Variants in TSPAN18 observed in about 807,000 individuals in gnomAD.
TSPAN18 encodes tetraspanin 18.
Under a neutral mutation model 27.3 loss-of-function variants are expected in TSPAN18, and 14 were observed. That is an observed-to-expected ratio of 0.51 (90% CI 0.34 to 0.80). The LOEUF is 0.80. TSPAN18 is among the 30% of genes least tolerant of loss of function. TSPAN18 has a pLI of 0.01. For synonymous variants in TSPAN18, 143 were observed against 136.5 expected (o/e 1.05, Z -0.33); for missense variants, 268 against 323.9 (o/e 0.83, Z 1.32).
At chr11:44,903,102 T>C (rs949471073) in intron 3 of TSPAN18, among the ~76,000 whole-genome samples, 4 of 151,996 alleles carry the variant, frequency 2.6e-5, no homozygotes, top group African/African-American at 9.7e-5. Flanking sequence ...CTGATGATGT[T>C]ATGGTATATA....
At chr11:44,890,719 G>GGCAACA (rs1456240279) in intron 3 of TSPAN18, among the ~76,000 whole-genome samples, 9 of 140,102 alleles carry the variant, frequency 6.4e-5, no homozygotes, top group Admixed American at 2.2e-4. Context: ...CTCCAGCCTT[G>GGCAACA]GCAACAGAGC....
intron 2 of TSPAN18, among the ~76,000 whole-genome samples, chr11:44,773,602 T>A (rs982070639): frequency 6.6e-6 from 1 of 152,206 alleles, no homozygotes; most frequent in Admixed American, 6.5e-5. Flanking sequence ...TTCATCCCTT[T>A]GTTGCCAGCT....
At chr11:44,769,192 G>A in intron 2 of TSPAN18, among the ~76,000 whole-genome samples, 1 of 152,142 alleles carries the variant, frequency 6.6e-6, no homozygotes, top group Non-Finnish European at 1.5e-5. Flanking sequence ...ACTGCACCTG[G>A]CCTATTATTT....
rs531029788 is a variant in TSPAN18 at position 44,919,198 on chromosome 11, C to T, written c.334-16C>T. On this transcript the variant is annotated splice_polypyrimidine_tract_variant and intron_variant, in intron 6 of 9. Coordinates refer to ENST00000520358, the MANE Select transcript of TSPAN18 (RefSeq NM_130783.5). ...CAACTGCCAGGCCTAAGCCCATCTTCTCCCTCTGCCCCCAGCTCACCCGAG... is the reference window on the plus strand; with the variant it reads ...CAACTGCCAGGCCTAAGCCCATCTTTTCCCTCTGCCCCCAGCTCACCCGAG... 18 of 1,610,672 alleles carry T rather than the reference C, an allele frequency of 1.1e-5. No homozygotes were observed. Among genetic ancestry groups the T allele is most frequent in the Admixed American group, 5.0e-5 (3 of 60,002 alleles).
chr11:44,872,449 T>C (rs770407454), intron 3 of TSPAN18, among the ~76,000 whole-genome samples: 4 of 152,238 alleles, frequency 2.6e-5, no homozygotes, highest in Non-Finnish European at 4.4e-5. Flanking sequence ...AGTGAATGCA[T>C]GTAAAACATC....
At chr11:44,815,629 T>G (rs1022340374) in intron 2 of TSPAN18, among the ~76,000 whole-genome samples, 4 of 152,188 alleles carry the variant, frequency 2.6e-5, no homozygotes, top group African/African-American at 9.7e-5. Flanking sequence ...GCCCCAGGGA[T>G]ACCATGGTGA....
intron 8 of TSPAN18, among the ~76,000 whole-genome samples, chr11:44,926,160 A>G (rs2135383094): frequency 6.6e-6 from 1 of 152,310 alleles, no homozygotes; most frequent in Middle Eastern, 3.4e-3. Flanking sequence ...GCCGAAAACC[A>G]AAACACCTTC....
At chr11:44,818,910 C>T (rs1348647391) in intron 2 of TSPAN18, among the ~76,000 whole-genome samples, 1 of 152,124 alleles carries the variant, frequency 6.6e-6, no homozygotes, top group Admixed American at 6.5e-5. Context: ...CCTATTTCCC[C>T]ATTTGCCAAA....
At chr11:44,804,770 A>G (rs1380161231) in intron 2 of TSPAN18, among the ~76,000 whole-genome samples, 5 of 151,750 alleles carry the variant, frequency 3.3e-5, no homozygotes, top group Non-Finnish European at 7.4e-5. Context: ...CCCAGCCTAA[A>G]ACAACAACTG....
intron 1 of TSPAN18, among the ~76,000 whole-genome samples, chr11:44,758,526 CTT>C (rs748026997): frequency 1.3e-5 from 2 of 152,142 alleles, no homozygotes; most frequent in African/African-American, 2.4e-5. Flanking sequence ...TTGTAAGTGT[CTT>C]TGTCTGGTTT....
chr11:44,826,098 G>A (rs1026193281), intron 2 of TSPAN18, among the ~76,000 whole-genome samples: 14 of 152,230 alleles, frequency 9.2e-5, no homozygotes, highest in Non-Finnish European at 1.3e-4. Flanking sequence ...GGGGGCCATC[G>A]CAGAAAGGAA....
At chr11:44,776,786 T>C (rs550191611) in intron 2 of TSPAN18, among the ~76,000 whole-genome samples, 44 of 152,300 alleles carry the variant, frequency 2.9e-4, no homozygotes, top group African/African-American at 1.0e-3. Flanking sequence ...GGAAGGTAGC[T>C]GAGGAAGTGC....
At chr11:44,890,461 C>T (rs769302623) in intron 3 of TSPAN18, among the ~76,000 whole-genome samples, 2 of 152,128 alleles carry the variant, frequency 1.3e-5, no homozygotes, top group African/African-American at 2.4e-5. Flanking sequence ...CAATGGCTCA[C>T]GCCTGTAATC....
intron 1 of TSPAN18, among the ~76,000 whole-genome samples, chr11:44,744,140 T>C (rs1319961357): frequency 6.6e-6 from 1 of 152,180 alleles, no homozygotes; most frequent in East Asian, 1.9e-4. Flanking sequence ...AGAGGCCTCC[T>C]GGGCTGCTGC....
intron 2 of TSPAN18, among the ~76,000 whole-genome samples, chr11:44,804,609 A>T (rs1297005866): frequency 6.6e-6 from 1 of 152,160 alleles, no homozygotes; most frequent in Non-Finnish European, 1.5e-5. Flanking sequence ...TCCGTAACTA[A>T]CATTTGGGGA....
intron 2 of TSPAN18, among the ~76,000 whole-genome samples, chr11:44,819,156 C>T (rs1856874539): frequency 6.6e-6 from 1 of 152,186 alleles, no homozygotes; most frequent in Non-Finnish European, 1.5e-5. Context: ...AGGCTGCCTT[C>T]AGGCGGGCTC....
intron 9 of TSPAN18, among the ~76,000 whole-genome samples, chr11:44,927,125 G>A (rs1860389649): frequency 6.6e-6 from 1 of 152,238 alleles, no homozygotes; most frequent in South Asian, 2.1e-4. Flanking sequence ...GCAGCCCGTG[G>A]TTTGAGATCA....
At chr11:44,912,954 G>T (rs1564999929) in intron 5 of TSPAN18, among the ~76,000 whole-genome samples, 2 of 152,170 alleles carry the variant, frequency 1.3e-5, no homozygotes, top group Non-Finnish European at 2.9e-5. Flanking sequence ...TTCTGTGAGT[G>T]TTTCCAGAGA....
intron 3 of TSPAN18, among the ~76,000 whole-genome samples, chr11:44,868,256 T>G (rs1321140211): frequency 2.0e-5 from 3 of 152,244 alleles, no homozygotes; most frequent in Non-Finnish European, 2.9e-5. Flanking sequence ...CTTCAGTTGC[T>G]GCCAGGCACT....
Sources: gnomAD v4.1 joint callset for allele counts (sites outside exome capture counted in the v4.1 genomes callset) on GRCh38, gnomAD v4.1.1 for gene constraint, MANE v1.5 for transcripts, NCBI Gene and HGNC (gene_info 2026-07-23, HGNC 2026-07-21) for gene names.